The following TBC1D8 variants were observed in gnomAD, a reference collection of about 807,000 sequenced individuals.
The protein encoded by TBC1D8 is TBC1 domain family member 8.
Under a neutral mutation model 118.8 loss-of-function variants are expected in TBC1D8, and 65 were observed. The ratio of observed to expected loss-of-function variants is 0.55; its 90% CI spans 0.45 to 0.67. TBC1D8 has a LOEUF of 0.67. TBC1D8 is among the 30% of genes least tolerant of loss of function. The pLI is 0.00. For synonymous variants in TBC1D8, 566 were observed against 595.8 expected (o/e 0.95, Z 0.73); for missense variants, 1,376 against 1,471.2 (o/e 0.94, Z 1.06).
At chr2:101,113,431 G>A (rs1677691632) in intron 1 of TBC1D8, among the ~76,000 whole-genome samples, 1 of 151,934 alleles carries the variant, frequency 6.6e-6, no homozygotes, top group African/African-American at 2.4e-5. Context: ...GACTGAACAT[G>A]AAATACTAAG....
intron 2 of TBC1D8, among the ~76,000 whole-genome samples, chr2:101,089,043 T>C (rs1445390377): frequency 6.6e-6 from 1 of 152,178 alleles, no homozygotes; most frequent in Non-Finnish European, 1.5e-5. Context: ...TCTTGTATTT[T>C]CGAGGAAAAA....
chr2:101,117,297 T>G (rs758215144), intron 1 of TBC1D8, among the ~76,000 whole-genome samples: 13 of 152,186 alleles, frequency 8.5e-5, no homozygotes, highest in Non-Finnish European at 1.8e-4. Flanking sequence ...ACTCAGGCCC[T>G]GGCTCTTTTC....
At chr2:101,111,127 T>G (rs532440138) in intron 1 of TBC1D8, among the ~76,000 whole-genome samples, 3 of 152,154 alleles carry the variant, frequency 2.0e-5, no homozygotes, top group Non-Finnish European at 2.9e-5. Context: ...ATTGGCAACA[T>G]GAGAAATCTA....
chr2:101,142,405 C>T (rs922721376), intron 1 of TBC1D8, among the ~76,000 whole-genome samples: 19 of 152,036 alleles, frequency 1.2e-4, no homozygotes, highest in Non-Finnish European at 2.6e-4. Context: ...ATGGATACAC[C>T]CAACAAGGTC....
At chr2:101,011,698 C>T (rs1250133683) in intron 17 of TBC1D8, among the ~76,000 whole-genome samples, 158 bp from the exon 18 acceptor site, 1 of 152,194 alleles carries the variant, frequency 6.6e-6, no homozygotes, top group Non-Finnish European at 1.5e-5. Context: ...ACACCAAGCA[C>T]TGTCTGGATA....
chr2:101,135,167 G>A (rs183611310), intron 1 of TBC1D8, among the ~76,000 whole-genome samples: 60 of 151,932 alleles, frequency 3.9e-4, no homozygotes, highest in African/African-American at 9.9e-4. Context: ...GCGAGACTCC[G>A]TCTCAAAAAA....
At chr2:101,031,584 T>C (rs1680673068) in intron 11 of TBC1D8, among the ~76,000 whole-genome samples, 2 of 152,176 alleles carry the variant, frequency 1.3e-5, no homozygotes, top group African/African-American at 4.8e-5. Context: ...CATTTTTGTA[T>C]TGTTTACTAG....
chr2:101,102,622 G>A (rs1401473027), intron 1 of TBC1D8, among the ~76,000 whole-genome samples: 1 of 151,676 alleles, frequency 6.6e-6, no homozygotes. Context: ...AAAAGTAAAG[G>A]AATGAAAAAA....
chr2:101,121,991 G>A (rs932773654), intron 1 of TBC1D8, among the ~76,000 whole-genome samples: 1 of 151,962 alleles, frequency 6.6e-6, no homozygotes, highest in South Asian at 2.1e-4. Context: ...GCTTGAACCC[G>A]GTAGGCAGAG....
chr2:101,122,634 G>A (rs1223596754), intron 1 of TBC1D8, among the ~76,000 whole-genome samples: 1 of 151,976 alleles, frequency 6.6e-6, no homozygotes, highest in African/African-American at 2.4e-5. Context: ...TCATTCCCAA[G>A]GACAGCCAGT....
intron 2 of TBC1D8, among the ~76,000 whole-genome samples, chr2:101,064,002 A>G (rs1467149627): frequency 6.6e-6 from 1 of 152,134 alleles, no homozygotes; most frequent in Non-Finnish European, 1.5e-5. Flanking sequence ...AAAGCCTACA[A>G]ATTAACTCAG....
chr2:101,088,290 CTCTTT>C (rs796518823), intron 2 of TBC1D8, among the ~76,000 whole-genome samples: 24 of 151,962 alleles, frequency 1.6e-4, no homozygotes, highest in African/African-American at 5.3e-4. Context: ...CACTCTCTCT[CTCTTT>C]TCTTTTTTTT....
chr2:101,027,379 G>A lies in TBC1D8; in HGVS notation c.2520+4C>T, dbSNP rs147475714. On this transcript the variant is annotated splice_donor_region_variant and intron_variant, in intron 15 of 19. Transcript: ENST00000409318. ...GAACCCCTCATCTTCCCAGAGCTGC[G>A]TACCTTGAATAAGTCGTAGAGCTCC... 3.1e-4 allele frequency: 497 copies of A among 1,612,552 alleles called. No individual in the cohort carries two copies. The African/African-American group carries it at 5.6e-3, about 18-fold the overall frequency.
chr2:101,129,152 T>A (rs761433296), intron 1 of TBC1D8, among the ~76,000 whole-genome samples: 47 of 152,184 alleles, frequency 3.1e-4, no homozygotes, highest in Non-Finnish European at 5.6e-4. Flanking sequence ...TTGTTTTTTT[T>A]AAATTGAGAT....
At chr2:101,139,916 G>T (rs1020390928) in intron 1 of TBC1D8, among the ~76,000 whole-genome samples, 1 of 152,016 alleles carries the variant, frequency 6.6e-6, no homozygotes, top group Non-Finnish European at 1.5e-5. Context: ...CCACAATCAC[G>T]ACTACAAACT....
intron 1 of TBC1D8, among the ~76,000 whole-genome samples, chr2:101,122,408 A>AAAAAAAAAAAAAAC (rs1678167165): frequency 6.9e-6 from 1 of 144,992 alleles, no homozygotes; most frequent in Admixed American, 7.1e-5. Flanking sequence ...AAAAAAAAAA[A>AAAAAAAAAAAAAAC]AAAGCATGGA....
At chr2:101,039,376 T>C (rs2105398866) in intron 6 of TBC1D8, among the ~76,000 whole-genome samples, 1 of 152,312 alleles carries the variant, frequency 6.6e-6, no homozygotes, top group Middle Eastern at 3.4e-3. Context: ...CCCAGCATTG[T>C]CAGAGGCCAA....
rs576050523 is a variant in TBC1D8, at chr2:101,147,080, AGGCC to A, written c.127+4043_127+4046del. 1.3e-3 allele frequency among the ~76,000 whole-genome samples: 189 copies of A among 150,770 alleles called. 1 individual carries two copies. Among genetic ancestry groups the A allele is most frequent in the African/African-American group, 4.3e-3 (178 of 41,398 alleles). ...GTAATCCCAGTGCTTTGAGAGGCCGAGGCCGAGGCCGAGGCAGGAGGATGGCTTG... is the reference window on the plus strand; with the variant it reads ...GTAATCCCAGTGCTTTGAGAGGCCGAGAGGCCGAGGCAGGAGGATGGCTTG... On this transcript the variant is annotated intron_variant, in intron 1 of 19. Transcript: ENST00000409318.
intron 7 of TBC1D8, among the ~76,000 whole-genome samples, chr2:101,038,099 A>G (rs1208986469): frequency 6.6e-6 from 1 of 152,142 alleles, no homozygotes; most frequent in African/African-American, 2.4e-5. Context: ...GAGAAGAGAC[A>G]TGAAAAAAGG....
Sources: gnomAD v4.1 joint callset for allele counts (sites outside exome capture counted in the v4.1 genomes callset) on GRCh38, gnomAD v4.1.1 for gene constraint, MANE v1.5 for transcripts, NCBI Gene and HGNC (gene_info 2026-07-23, HGNC 2026-07-21) for gene names.